RUNDC3B: variants seen among roughly 807,000 people sequenced by gnomAD.
The protein encoded by RUNDC3B is RUN domain-containing protein 3B.
RUNDC3B carries 33 observed loss-of-function variants against 58.4 expected under a neutral mutation model. That is an observed-to-expected ratio of 0.56 (90% CI 0.43 to 0.75). RUNDC3B has a LOEUF of 0.75. Among genes scored for constraint, RUNDC3B ranks in the 30% least tolerant of loss-of-function variants. The pLI, the probability that RUNDC3B is intolerant of heterozygous loss-of-function variation, is 0.00. For missense variants in RUNDC3B, 501 were observed against 535.7 expected (o/e 0.94, Z 0.64); for synonymous variants, 193 against 195.2 (o/e 0.99, Z 0.10).
chr7:87,759,510 CAT>C lies in RUNDC3B; in HGVS notation c.630-11070_630-11069del, dbSNP rs528600075. 8.6e-5 allele frequency among the ~76,000 whole-genome samples: 13 copies of C among 152,028 alleles called. No individual in the cohort carries two copies. The South Asian group carries it at 2.7e-3, about 32-fold the overall frequency. The stretch of plus-strand genomic sequence containing the variant: ...ATGTTCCTAACACAAAGAAATGACA[CAT>C]GTGGTTGGGCATGGTGGCTCATGCC... On this transcript the variant is annotated intron_variant, in intron 6 of 10. Coordinates refer to ENST00000394654, the MANE Select transcript of RUNDC3B (RefSeq NM_001134405.2).
intron 8 of RUNDC3B, among the ~76,000 whole-genome samples, chr7:87,785,123 G>A (rs1352176994): frequency 6.6e-6 from 1 of 152,060 alleles, no homozygotes; most frequent in Non-Finnish European, 1.5e-5. Context: ...CCTGGCAAAT[G>A]GCTGTGGGAT....
At chr7:87,739,033 T>A (rs1332932861) in intron 4 of RUNDC3B, among the ~76,000 whole-genome samples, 2 of 151,940 alleles carry the variant, frequency 1.3e-5, no homozygotes, top group Non-Finnish European at 2.9e-5. Context: ...AGATTTTACA[T>A]AGTACTACGT....
At chr7:87,639,461 A>G (rs1584970269) in intron 1 of RUNDC3B, among the ~76,000 whole-genome samples, 1 of 152,084 alleles carries the variant, frequency 6.6e-6, no homozygotes, top group Non-Finnish European at 1.5e-5. Flanking sequence ...TGTTTTTTGT[A>G]TACTCTTTAG....
chr7:87,763,263 A>G (rs1833797871), intron 6 of RUNDC3B, among the ~76,000 whole-genome samples: 1 of 151,584 alleles, frequency 6.6e-6, no homozygotes, highest in Non-Finnish European at 1.5e-5. Context: ...TACATTTGTC[A>G]TTGATTTATT....
At chr7:87,689,038 A>G (rs371776171) in intron 2 of RUNDC3B, among the ~76,000 whole-genome samples, 1 of 152,082 alleles carries the variant, frequency 6.6e-6, no homozygotes, top group Non-Finnish European at 1.5e-5. Context: ...TTTATTTTAC[A>G]TGAACATCAC....
chr7:87,698,964 T>A (rs776938184), intron 2 of RUNDC3B, among the ~76,000 whole-genome samples: 2 of 152,146 alleles, frequency 1.3e-5, no homozygotes, highest in African/African-American at 2.4e-5. Flanking sequence ...CTAGAAATAC[T>A]AGGGGGCGAT....
At position 87,830,033 on chromosome 7, in the gene RUNDC3B, AT is replaced by A; in HGVS notation, c.*8del. The A allele has an allele frequency of 3.2e-6, 5 of 1,562,816 alleles. No individual in the cohort carries two copies. Among genetic ancestry groups the A allele is most frequent in the Admixed American group, 2.0e-5 (1 of 48,848 alleles). On this transcript the variant is annotated 3_prime_UTR_variant, in exon 11 of 11. Transcript: ENST00000394654. ...GTCCAGGCCTAACTCCATCCTGAAAATTTTTGTGTAAAAGCCAAAACTTTTT... is the reference window on the plus strand; with the variant it reads ...GTCCAGGCCTAACTCCATCCTGAAAATTTTGTGTAAAAGCCAAAACTTTTT...
intron 2 of RUNDC3B, among the ~76,000 whole-genome samples, chr7:87,657,185 A>ACC (rs1824194863): frequency 6.6e-6 from 1 of 152,178 alleles, no homozygotes; most frequent in Non-Finnish European, 1.5e-5. Flanking sequence ...CTTAGGAATG[A>ACC]CACAGTAGTG....
At chr7:87,828,660 T>C (rs1428055951) in intron 10 of RUNDC3B, among the ~76,000 whole-genome samples, 1 of 152,208 alleles carries the variant, frequency 6.6e-6, no homozygotes, top group Non-Finnish European at 1.5e-5. Flanking sequence ...GTCTTTGCCA[T>C]TGTGAATAGT....
At chr7:87,824,562 T>C (rs543831621) in intron 10 of RUNDC3B, among the ~76,000 whole-genome samples, 2 of 152,280 alleles carry the variant, frequency 1.3e-5, no homozygotes, top group East Asian at 3.9e-4. Context: ...GGGGCACTGC[T>C]GAAAAGATAC....
intron 4 of RUNDC3B, among the ~76,000 whole-genome samples, chr7:87,716,486 T>C (rs1334427188): frequency 6.6e-6 from 1 of 152,208 alleles, no homozygotes; most frequent in Non-Finnish European, 1.5e-5. Context: ...TTGCACCATA[T>C]CATTTTTAGA....
intron 6 of RUNDC3B, among the ~76,000 whole-genome samples, chr7:87,757,782 C>T (rs1337564045): frequency 6.6e-6 from 1 of 152,106 alleles, no homozygotes; most frequent in Non-Finnish European, 1.5e-5. Flanking sequence ...GTAACCAAAG[C>T]AGCATGACAC....
intron 4 of RUNDC3B, among the ~76,000 whole-genome samples, chr7:87,718,002 C>T (rs1451717082): frequency 6.6e-6 from 1 of 151,946 alleles, no homozygotes; most frequent in Non-Finnish European, 1.5e-5. Flanking sequence ...GTGATTTATT[C>T]TGGGAATATG....
chr7:87,664,108 T>A (rs902435364), intron 2 of RUNDC3B, among the ~76,000 whole-genome samples: 52 of 152,148 alleles, frequency 3.4e-4, no homozygotes, highest in African/African-American at 1.3e-3. Context: ...TATCTTCTTG[T>A]CTCTGTGCAC....
chr7:87,731,071 C>T (rs1350708128), intron 4 of RUNDC3B, among the ~76,000 whole-genome samples: 1 of 152,046 alleles, frequency 6.6e-6, no homozygotes. Flanking sequence ...TCCCAACACC[C>T]AAGTCCTTTT....
chr7:87,632,235 T>C (rs1230413394), intron 1 of RUNDC3B, among the ~76,000 whole-genome samples: 1 of 152,200 alleles, frequency 6.6e-6, no homozygotes, highest in Non-Finnish European at 1.5e-5. Flanking sequence ...AAAGTCTTCT[T>C]ATGTGAGTAC....
At chr7:87,724,304 C>T (rs2130780820) in intron 4 of RUNDC3B, among the ~76,000 whole-genome samples, 1 of 152,128 alleles carries the variant, frequency 6.6e-6, no homozygotes. Context: ...GGTTATAAGA[C>T]CAGGATAATG....
chr7:87,658,473 G>A (rs1487782236), intron 2 of RUNDC3B, among the ~76,000 whole-genome samples: 2 of 152,096 alleles, frequency 1.3e-5, no homozygotes, highest in African/African-American at 4.8e-5. Flanking sequence ...GACTGAAAAA[G>A]TACTCAACAG....
intron 2 of RUNDC3B, among the ~76,000 whole-genome samples, chr7:87,680,556 G>A (rs1480690824): frequency 1.3e-5 from 2 of 150,778 alleles, no homozygotes; most frequent in Non-Finnish European, 2.9e-5. Flanking sequence ...ACTTAGGGAG[G>A]CCAAGGCGAG....
Sources: allele counts gnomAD v4.1 joint callset (sites outside exome capture counted in the v4.1 genomes callset), GRCh38; gene constraint gnomAD v4.1.1; transcripts MANE v1.5; gene names NCBI Gene and HGNC (gene_info 2026-07-23, HGNC 2026-07-21).